Variants in DNAH11 observed in about 807,000 individuals in gnomAD.
DNAH11 encodes the protein axonemal beta dynein heavy chain 11.
DNAH11 carries 442 observed loss-of-function variants against 526.0 expected under a neutral mutation model. That is an observed-to-expected ratio of 0.84 (90% CI 0.78 to 0.91). The LOEUF is 0.91. Ranked by LOEUF, DNAH11 falls within the 40% of genes least tolerant of loss-of-function variation. The pLI is 0.00. For missense variants in DNAH11, 6,989 were observed against 5,448.7 expected (o/e 1.28, Z -8.90); for synonymous variants, 2,461 against 1,935.9 (o/e 1.27, Z -7.12).
In DNAH11 at chr7:21,570,396, A is replaced by C. The variant is rs553443709; in HGVS notation, c.1425+97A>C. 7.2e-6 allele frequency: 7 copies of C among 970,362 alleles called. No homozygotes were observed. The African/African-American group carries it at 1.1e-4, about 16-fold the overall frequency. 60.1% of individuals were successfully genotyped at this position (970,362 alleles called of 1,614,324 possible). A position where few individuals can be genotyped will look rare whatever the true frequency, so the allele number is the denominator to read the frequency against. ...CATGGAACAGTTTACTTTATATCAT[A>C]GGTGGAGGTCTCCTTTCTCAGTGAT... On this transcript the variant is annotated intron_variant, in intron 7 of 81. Coordinates refer to ENST00000409508, the MANE Select transcript of DNAH11 (RefSeq NM_001277115.2).
intron 20 of DNAH11, among the ~76,000 whole-genome samples, chr7:21,610,626 A>T (rs768650003): frequency 6.6e-6 from 1 of 152,208 alleles, no homozygotes; most frequent in Non-Finnish European, 1.5e-5. Flanking sequence ...AAAATGAGCA[A>T]GTTCTCAGTT....
intron 2 of DNAH11, among the ~76,000 whole-genome samples, chr7:21,547,868 CT>C (rs1175204726): frequency 2.0e-5 from 3 of 152,080 alleles, no homozygotes; most frequent in Non-Finnish European, 4.4e-5. Context: ...AAGTTGTTTA[CT>C]TTTTTCCTTA....
In DNAH11 at chr7:21,720,969, C is replaced by T. The variant is rs1784854672; in HGVS notation, c.7266+113C>T. On this transcript the variant is annotated intron_variant, in intron 44 of 81. Coordinates refer to ENST00000409508, the MANE Select transcript of DNAH11 (RefSeq NM_001277115.2). The stretch of plus-strand genomic sequence containing the variant: ...TTTGTTATGTTATAGATCTATACTG[C>T]TTGCCCTGTTCTCTCCTAAGTCTAT... The T allele has an allele frequency of 5.3e-6, 7 of 1,326,366 alleles. No homozygotes were observed. In the East Asian group the frequency reaches 1.9e-4, roughly 36 times the overall value. The allele number at this position is 1,326,366 out of a possible 1,614,324, so 82.2% of individuals were successfully genotyped here. A position where few individuals can be genotyped will look rare whatever the true frequency, so the allele number is the denominator to read the frequency against.
Position 21,748,713 on chromosome 7 carries a change from A to AC in DNAH11, c.8646dup (p.Glu2883ArgfsTer38). 6.2e-7 allele frequency: 1 copy of AC among 1,613,258 alleles called. No homozygotes were observed. Among genetic ancestry groups the AC allele is most frequent in the Non-Finnish European group, 8.5e-7 (1 of 1,179,576 alleles). On this transcript the variant is annotated frameshift_variant, in exon 52 of 82. Coordinates refer to ENST00000409508, the MANE Select transcript of DNAH11 (RefSeq NM_001277115.2). LOFTEE classifies it high-confidence loss of function. ...CCTTGAGGTCTTTCAGATCACTCTG[A>AC]CCGAGGGCTATGGAATCCAGGAACT...
chr7:21,688,127 G>C (rs891430366), intron 34 of DNAH11, among the ~76,000 whole-genome samples: 2 of 152,066 alleles, frequency 1.3e-5, no homozygotes, highest in East Asian at 3.9e-4. Context: ...CATCTTTCTT[G>C]ACCTCTGGCA....
Position 21,591,210 on chromosome 7 carries a change from T to G in DNAH11, c.2300T>G (p.Val767Gly). 6.4e-7 allele frequency: 1 copy of G among 1,555,298 alleles called. No homozygotes were observed. Among genetic ancestry groups the G allele is most frequent in the Non-Finnish European group, 8.7e-7 (1 of 1,155,260 alleles). ...LKYIGNLDLL[V>G]QGYNKLKQTL... Reference sequence around the variant, plus strand: ...TACATTGGAAATCTTGACCTTCTTGTGCAAGGGTATAATAAACTCAAACAG... The same window carrying G: ...TACATTGGAAATCTTGACCTTCTTGGGCAAGGGTATAATAAACTCAAACAG... The change falls in exon 14 of 82, where the codon GTG (valine) becomes GGG (glycine). Residue 767 changes from valine (V) to glycine (G), a missense_variant. Val to Gly is a moderately radical substitution (Grantham distance 109, BLOSUM62 -3). Transcript: ENST00000409508.
chr7:21,601,308 G>A (rs1232218943), intron 17 of DNAH11, 88 bp from the exon 18 acceptor site: 1 of 1,453,048 alleles, frequency 6.9e-7, no homozygotes, highest in African/African-American at 1.4e-5. Context: ...GGTACATAAT[G>A]AAAATAAGAT....
intron 30 of DNAH11, among the ~76,000 whole-genome samples, chr7:21,675,446 T>C (rs1173950505): frequency 1.3e-5 from 2 of 152,228 alleles, no homozygotes; most frequent in African/African-American, 2.4e-5. Context: ...TACATTCCTC[T>C]AAAGTGCCTT....
At chr7:21,668,922 T>C (rs757240153) in intron 30 of DNAH11, among the ~76,000 whole-genome samples, 2 of 152,220 alleles carry the variant, frequency 1.3e-5, no homozygotes, top group Non-Finnish European at 2.9e-5. Context: ...CAGTTCTCTA[T>C]TGTTAATACT....
chr7:21,846,645 G>C (rs1226308762), intron 66 of DNAH11, among the ~76,000 whole-genome samples: 1 of 152,088 alleles, frequency 6.6e-6, no homozygotes, highest in African/African-American at 2.4e-5. Flanking sequence ...ATGCTCATCA[G>C]AGATATCGGT....
chr7:21,640,891 G>A (rs1452186256), intron 28 of DNAH11, among the ~76,000 whole-genome samples: 1 of 152,050 alleles, frequency 6.6e-6, no homozygotes, highest in African/African-American at 2.4e-5. Flanking sequence ...GGGGTTTAGG[G>A]GTGTGATCTG....
rs762368078 is a variant in DNAH11, at chr7:21,787,590, A to G, written c.9924+7A>G. 7.5e-6 allele frequency: 12 copies of G among 1,597,676 alleles called. No homozygotes were observed. In the Admixed American group the frequency reaches 8.6e-5, roughly 12 times the overall value. On this transcript the variant is annotated splice_region_variant and intron_variant, in intron 60 of 81. Coordinates refer to ENST00000409508, the MANE Select transcript of DNAH11 (RefSeq NM_001277115.2). ...CATCATTAAATTCTATGAGGTATCA[A>G]TCCTAAATTGATTGTTTACAGATGT...
At chr7:21,864,397 G>A (rs895209256) in intron 69 of DNAH11, 138 bp from the exon 70 acceptor site, 16 of 639,224 alleles carry the variant, frequency 2.5e-5, no homozygotes, top group Non-Finnish European at 3.5e-5. Flanking sequence ...TATTTCAACA[G>A]TAGAACAGAT....
intron 63 of DNAH11, among the ~76,000 whole-genome samples, chr7:21,814,269 A>G (rs1359855697): frequency 6.6e-6 from 1 of 152,238 alleles, no homozygotes; most frequent in African/African-American, 2.4e-5. Context: ...GTGAAGGCCT[A>G]GGACATTACT....
intron 66 of DNAH11, among the ~76,000 whole-genome samples, chr7:21,847,540 A>G (rs1168050115): frequency 1.3e-5 from 2 of 152,196 alleles, no homozygotes; most frequent in Non-Finnish European, 2.9e-5. Context: ...GTGGTCTGGA[A>G]CATACTTTGT....
chr7:21,553,748 A>G (rs1414302263), intron 2 of DNAH11, among the ~76,000 whole-genome samples: 1 of 152,114 alleles, frequency 6.6e-6, no homozygotes, highest in African/African-American at 2.4e-5. Flanking sequence ...TGTCTCCTTC[A>G]AGGAGGATCT....
chr7:21,772,050 CA>C (rs1345479840), intron 55 of DNAH11, among the ~76,000 whole-genome samples: 1 of 152,130 alleles, frequency 6.6e-6, no homozygotes, highest in Admixed American at 6.6e-5. Flanking sequence ...GACCAGTCAT[CA>C]AAGAGGTCTG....
chr7:21,898,373 T>C (rs1055594756), intron 79 of DNAH11, among the ~76,000 whole-genome samples: 4 of 152,210 alleles, frequency 2.6e-5, no homozygotes, highest in East Asian at 3.9e-4. Flanking sequence ...TTCTGAGCCT[T>C]TTCTTCTTCA....
chr7:21,882,426 C>A (rs142497236), intron 75 of DNAH11, among the ~76,000 whole-genome samples: 478 of 152,246 alleles, frequency 3.1e-3, no homozygotes, highest in Non-Finnish European at 5.4e-3. Context: ...TTTGGTTGTA[C>A]AAAATGGCCT....
Sources: allele counts gnomAD v4.1 joint callset (sites outside exome capture counted in the v4.1 genomes callset), GRCh38; gene constraint gnomAD v4.1.1; transcripts MANE v1.5; gene names NCBI Gene and HGNC (gene_info 2026-07-23, HGNC 2026-07-21).